Variants in HCN1 observed in about 807,000 individuals in gnomAD.
The protein encoded by HCN1 is potassium/sodium hyperpolarization-activated cyclic nucleotide-gated channel 1.
A neutral mutation model predicts 78.9 loss-of-function variants in HCN1; 13 were observed. That is an observed-to-expected ratio of 0.16 (90% CI 0.11 to 0.26). The LOEUF (loss-of-function observed/expected upper bound fraction) is 0.26, where lower values mean the gene tolerates loss of function less well. Among genes scored for constraint, HCN1 ranks in the 10% least tolerant of loss-of-function variants. HCN1 has a pLI of 1.00. For missense variants in HCN1, 810 were observed against 1,154.3 expected (o/e 0.70, Z 4.32); for synonymous variants, 552 against 455.5 (o/e 1.21, Z -2.70).
At chr5:45,372,100 T>TATATATAATATAATTATATATTA (rs1561127912) in intron 4 of HCN1, among the ~76,000 whole-genome samples, 2 of 48,402 alleles carry the variant, frequency 4.1e-5, no homozygotes, top group Non-Finnish European at 6.2e-5. Flanking sequence ...TATATATATT[T>TATATATAATATAATTATATATTA]TATATATAAT....
At chr5:45,552,781 C>A (rs180688076) in intron 2 of HCN1, among the ~76,000 whole-genome samples, 1 of 151,778 alleles carries the variant, frequency 6.6e-6, no homozygotes, top group South Asian at 2.1e-4. Flanking sequence ...CATTAAAATT[C>A]GTAACTAAGA....
At chr5:45,298,626 T>C (rs1745547008) in intron 6 of HCN1, among the ~76,000 whole-genome samples, 1 of 152,032 alleles carries the variant, frequency 6.6e-6, no homozygotes, top group Non-Finnish European at 1.5e-5. Flanking sequence ...CAAGTGTCCA[T>C]ACTGATACAA....
At chr5:45,601,198 T>C (rs567790547) in intron 2 of HCN1, among the ~76,000 whole-genome samples, 1 of 152,304 alleles carries the variant, frequency 6.6e-6, no homozygotes, top group South Asian at 2.1e-4. Flanking sequence ...TGTGTGTCTA[T>C]GTCATTTGAC....
At chr5:45,656,822 TC>T (rs1386264421) in intron 1 of HCN1, among the ~76,000 whole-genome samples, 1 of 152,152 alleles carries the variant, frequency 6.6e-6, no homozygotes, top group Non-Finnish European at 1.5e-5. Context: ...ATAATCAACC[TC>T]TACTTATTTA....
intron 2 of HCN1, among the ~76,000 whole-genome samples, chr5:45,524,024 A>G (rs1742673483): frequency 6.6e-6 from 1 of 151,978 alleles, no homozygotes; most frequent in Non-Finnish European, 1.5e-5. Context: ...ATCCATCTTG[A>G]ATTAATTTTT....
At chr5:45,276,212 TCACA>T (rs752790055) in intron 6 of HCN1, among the ~76,000 whole-genome samples, 5 of 151,580 alleles carry the variant, frequency 3.3e-5, no homozygotes, top group Non-Finnish European at 5.9e-5. Context: ...TCTCTCTTTC[TCACA>T]CACACACACA....
chr5:45,280,524 C>T (rs1156824913), intron 6 of HCN1, among the ~76,000 whole-genome samples: 1 of 152,050 alleles, frequency 6.6e-6, no homozygotes, highest in Non-Finnish European at 1.5e-5. Context: ...AAATGTTTAG[C>T]TTCATCTCCC....
intron 2 of HCN1, among the ~76,000 whole-genome samples, chr5:45,572,243 T>C (rs1463577831): frequency 6.6e-6 from 1 of 152,182 alleles, no homozygotes; most frequent in Non-Finnish European, 1.5e-5. Flanking sequence ...AAATCAGACC[T>C]TAACCCTGAG....
chr5:45,562,546 T>G (rs931901584), intron 2 of HCN1, among the ~76,000 whole-genome samples: 2 of 151,884 alleles, frequency 1.3e-5, no homozygotes, highest in African/African-American at 4.8e-5. Context: ...TAGGTAAATT[T>G]TATACACAAA....
intron 1 of HCN1, among the ~76,000 whole-genome samples, chr5:45,683,853 T>G (rs1014805636): frequency 6.6e-6 from 1 of 152,022 alleles, no homozygotes; most frequent in African/African-American, 2.4e-5. Context: ...GTATATTTTG[T>G]AGAGACGGGG....
intron 1 of HCN1, among the ~76,000 whole-genome samples, chr5:45,659,024 G>C (rs953244458): frequency 2.6e-5 from 4 of 151,448 alleles, no homozygotes; most frequent in African/African-American, 9.7e-5. Context: ...CAAAAAGACA[G>C]CAGTAACCTC....
At chr5:45,582,493 C>A (rs1412600060) in intron 2 of HCN1, among the ~76,000 whole-genome samples, 1 of 152,078 alleles carries the variant, frequency 6.6e-6, no homozygotes, top group Non-Finnish European at 1.5e-5. Context: ...TCCTCTTTTC[C>A]TAATTGAATA....
chr5:45,416,582 A>G (rs978705079), intron 3 of HCN1, among the ~76,000 whole-genome samples: 3 of 152,012 alleles, frequency 2.0e-5, no homozygotes, highest in Non-Finnish European at 2.9e-5. Flanking sequence ...CTAGTGAAAT[A>G]AGTGCTTATA....
intron 2 of HCN1, among the ~76,000 whole-genome samples, chr5:45,517,200 T>C (rs1742530344): frequency 6.6e-6 from 1 of 151,916 alleles, no homozygotes; most frequent in Non-Finnish European, 1.5e-5. Flanking sequence ...TGCACCATAA[T>C]TAAACCACGA....
intron 3 of HCN1, among the ~76,000 whole-genome samples, chr5:45,428,250 T>C (rs1279104573): frequency 6.6e-6 from 1 of 152,090 alleles, no homozygotes; most frequent in African/African-American, 2.4e-5. Flanking sequence ...ACAATTGATA[T>C]ATTGTACAAT....
At chr5:45,443,942 A>T (rs975663183) in intron 3 of HCN1, among the ~76,000 whole-genome samples, 1 of 152,142 alleles carries the variant, frequency 6.6e-6, no homozygotes, top group African/African-American at 2.4e-5. Flanking sequence ...CATCATCCTG[A>T]TCTGCCATAA....
chr5:45,570,689 T>G (rs1260448295), intron 2 of HCN1, among the ~76,000 whole-genome samples: 1 of 152,068 alleles, frequency 6.6e-6, no homozygotes, highest in African/African-American at 2.4e-5. Context: ...TCTAAAAAAG[T>G]AAACAAAACA....
At chr5:45,551,624 T>A (rs79903273) in intron 2 of HCN1, among the ~76,000 whole-genome samples, 1 of 151,908 alleles carries the variant, frequency 6.6e-6, no homozygotes, top group East Asian at 1.9e-4. Context: ...ATAATCAATA[T>A]CATAATACGA....
intron 5 of HCN1, among the ~76,000 whole-genome samples, chr5:45,340,205 G>C (rs1380848042): frequency 6.6e-6 from 1 of 152,190 alleles, no homozygotes; most frequent in African/African-American, 2.4e-5. Flanking sequence ...ACAGGCATGA[G>C]CCACCATGTC....
Sources: allele counts gnomAD v4.1 joint callset (sites outside exome capture counted in the v4.1 genomes callset), GRCh38; gene constraint gnomAD v4.1.1; transcripts MANE v1.5; gene names NCBI Gene and HGNC (gene_info 2026-07-23, HGNC 2026-07-21).